Variants in PKHD1L1 observed in about 807,000 individuals in gnomAD.
PKHD1L1 encodes the protein PKHD1 like 1, also known as fibrocystin-L.
In PKHD1L1, 434 loss-of-function variants were observed where a neutral mutation model predicts 462.9. The ratio of observed to expected loss-of-function variants is 0.94; its 90% CI spans 0.87 to 1.02. The LOEUF (loss-of-function observed/expected upper bound fraction) is 1.02, where lower values mean the gene tolerates loss of function less well. PKHD1L1 is among the 50% of genes least tolerant of loss of function. The pLI is 0.00. For missense variants in PKHD1L1, 5,202 were observed against 5,096.1 expected, an observed-to-expected ratio of 1.02 and a Z score of -0.63; for synonymous variants, 1,781 against 1,750.0, an observed-to-expected ratio of 1.02 and a Z score of -0.44.
At chr8:109,377,279 G>A (rs990382173) in intron 2 of PKHD1L1, among the ~76,000 whole-genome samples, 3 of 152,032 alleles carry the variant, frequency 2.0e-5, no homozygotes, top group African/African-American at 7.2e-5. Flanking sequence ...ATATATTATA[G>A]CACTATTTGT....
Position 109,425,218 on chromosome 8 carries a change from G to A in PKHD1L1, c.2831G>A (p.Gly944Glu), listed in dbSNP as rs1342762032. The A allele has an allele frequency of 4.4e-6, 7 of 1,598,586 alleles. No homozygotes were observed. Among genetic ancestry groups the A allele is most frequent in the Non-Finnish European group, 6.0e-6 (7 of 1,174,914 alleles). ...LSGSFDIQAY[G>E]HILKGLPAAV... is the part of the protein sequence containing the mutation. The stretch of plus-strand genomic sequence containing the variant: ...GGCAGCTTTGACATTCAAGCTTATG[G>A]ACATATTCTTAAAGGTATATGAAAA... Residue 944 changes from glycine (G) to glutamate (E), a missense_variant, in exon 24 of 78, where the codon GGA (glycine) becomes GAA (glutamate). By Grantham distance (98) the Gly-to-Glu change is moderately conservative. Transcript: ENST00000378402.
chr8:109,393,102 C>T (rs933606973), intron 9 of PKHD1L1, among the ~76,000 whole-genome samples: 5 of 152,108 alleles, frequency 3.3e-5, no homozygotes, highest in African/African-American at 9.7e-5. Flanking sequence ...CTGGAGCTAG[C>T]ATCGTTTCAG....
At chr8:109,492,328 T>C (rs1318715257) in intron 62 of PKHD1L1, among the ~76,000 whole-genome samples, 1 of 151,846 alleles carries the variant, frequency 6.6e-6, no homozygotes, top group African/African-American at 2.4e-5. Flanking sequence ...TATTTTCTCA[T>C]CTAAAATTGT....
Position 109,522,280 on chromosome 8 carries a change from T to G in PKHD1L1, c.12126T>G (p.Ile4042Met). Residue 4042 changes from isoleucine (I) to methionine (M), a missense_variant, in exon 74 of 78, where the codon ATT becomes ATG. Transcript: ENST00000378402. ...GNISSILGFN[I>M]SSMSITNPLP... ...TCAGTAGTATCCTTGGATTTAACAT[T>G]TCGTCCATGTCTATTACTAATCCCC... 6.2e-7 allele frequency: 1 copy of G among 1,607,300 alleles called. No homozygotes were observed. Among genetic ancestry groups the G allele is most frequent in the Non-Finnish European group, 8.5e-7 (1 of 1,174,720 alleles).
In PKHD1L1 at chr8:109,405,899, A is replaced by T. The variant is rs192480227; in HGVS notation, c.1670-436A>T. ...AGGAATTAAATTCATCATTGCACAG[A>T]AGTAAACATGTCTTTCAATTTTTTA... On this transcript the variant is annotated intron_variant, in intron 16 of 77. Transcript: ENST00000378402. Among the ~76,000 whole-genome samples, 124 of 152,326 alleles carry T rather than the reference A, an allele frequency of 8.1e-4. No individual in the cohort carries two copies. The Middle Eastern group carries it at 0.017, about 21-fold the overall frequency.
intron 6 of PKHD1L1, among the ~76,000 whole-genome samples, chr8:109,386,719 A>G (rs1469849304): frequency 6.6e-6 from 1 of 152,192 alleles, no homozygotes; most frequent in African/African-American, 2.4e-5. Context: ...GTCTGCTTCA[A>G]CATAGTTGAG....
intron 62 of PKHD1L1, among the ~76,000 whole-genome samples, 160 bp downstream of exon 62, chr8:109,492,154 G>A (rs1293760145): frequency 6.7e-6 from 1 of 149,682 alleles, no homozygotes; most frequent in Non-Finnish European, 1.5e-5. Flanking sequence ...AATGTCTATT[G>A]GTTTAAATAG....
Position 109,454,251 on chromosome 8 carries a change from T to G in PKHD1L1, c.6744+5T>G. Reference sequence around the variant, plus strand: ...ACAGATGGAGGTGTTCTTCAGGTATTCAAAAGAACATAATACATATTCATT... The same window carrying G: ...ACAGATGGAGGTGTTCTTCAGGTATGCAAAAGAACATAATACATATTCATT... On this transcript the variant is annotated splice_donor_5th_base_variant and intron_variant, in intron 44 of 77. Transcript: ENST00000378402. The G allele has an allele frequency of 6.3e-7, 1 of 1,584,500 alleles. No individual in the cohort carries two copies. Among genetic ancestry groups the G allele is most frequent in the Non-Finnish European group, 8.6e-7 (1 of 1,160,914 alleles).
chr8:109,415,533 T>C (rs1814103660), intron 21 of PKHD1L1, among the ~76,000 whole-genome samples: 2 of 151,934 alleles, frequency 1.3e-5, no homozygotes, highest in African/African-American at 4.8e-5. Context: ...CAGGAGGAAA[T>C]CAGTTGTGTT....
At chr8:109,528,605 A>G (rs1044166465) in intron 77 of PKHD1L1, among the ~76,000 whole-genome samples, 1 of 151,838 alleles carries the variant, frequency 6.6e-6, no homozygotes, top group African/African-American at 2.4e-5. Context: ...CTCAAATTCC[A>G]CCTCATCCAG....
intron 68 of PKHD1L1, 60 bp from the exon 69 acceptor site, chr8:109,507,603 A>G: frequency 7.2e-7 from 1 of 1,384,050 alleles, no homozygotes. Context: ...GTAAATATTC[A>G]AGTGTATTCA....
chr8:109,471,148 T>C, intron 50 of PKHD1L1: 1 of 1,331,230 alleles, frequency 7.5e-7, no homozygotes, highest in Non-Finnish European at 1.0e-6. Context: ...CTTTGTATTC[T>C]TCATGAAATG....
At position 109,408,126 on chromosome 8, in the gene PKHD1L1, A is replaced by C. The variant is rs1325710451; in HGVS notation, c.1891A>C (p.Lys631Gln). Residue 631 changes from lysine to glutamine, a missense_variant, in exon 18 of 78, where the codon AAA becomes CAA. Transcript: ENST00000378402. ...GGATATTACAGAACAAACCAAAGGA[A>C]AACCCAACTTGGAGACATTCACACT... ...TLDITEQTKG[K>Q]PNLETFTLNW... 6.2e-7 allele frequency: 1 copy of C among 1,613,498 alleles called. No homozygotes were observed. Among genetic ancestry groups the C allele is most frequent in the Non-Finnish European group, 8.5e-7 (1 of 1,179,556 alleles).
intron 21 of PKHD1L1, among the ~76,000 whole-genome samples, chr8:109,418,283 C>T (rs1814287194): frequency 6.6e-6 from 1 of 151,788 alleles, no homozygotes; most frequent in African/African-American, 2.4e-5. Context: ...CGTTTGCATA[C>T]AATTTGCTAA....
At chr8:109,480,452 G>C (rs890290355) in intron 55 of PKHD1L1, 5 of 422,618 alleles carry the variant, frequency 1.2e-5, no homozygotes, top group Non-Finnish European at 2.3e-5. Flanking sequence ...AAGAGTCCTA[G>C]GAGTTCTGAA....
intron 70 of PKHD1L1, among the ~76,000 whole-genome samples, chr8:109,508,748 GT>G (rs1819827462): frequency 6.6e-6 from 1 of 152,126 alleles, no homozygotes; most frequent in Non-Finnish European, 1.5e-5. Flanking sequence ...CTATCAACAT[GT>G]TTTTTCGTCT....
chr8:109,444,060 AT>A (rs1352188528), intron 37 of PKHD1L1, among the ~76,000 whole-genome samples, 158 bp downstream of exon 37: 3 of 152,254 alleles, frequency 2.0e-5, no homozygotes, highest in East Asian at 3.9e-4. Context: ...AACTTTTAGC[AT>A]AGGCCCAGAG....
At chr8:109,483,391 A>G (rs1227739644) in intron 57 of PKHD1L1, among the ~76,000 whole-genome samples, 1 of 149,632 alleles carries the variant, frequency 6.7e-6, no homozygotes, top group Non-Finnish European at 1.5e-5. Flanking sequence ...ATGTATATAT[A>G]TTTTATGACA....
chr8:109,449,932 T>A (rs1816389220), intron 40 of PKHD1L1, among the ~76,000 whole-genome samples: 1 of 152,230 alleles, frequency 6.6e-6, no homozygotes, highest in African/African-American at 2.4e-5. Context: ...TAAAGTGAGA[T>A]GAATCACAGT....
Sources: gnomAD v4.1 joint callset for allele counts (sites outside exome capture counted in the v4.1 genomes callset) on GRCh38, gnomAD v4.1.1 for gene constraint, MANE v1.5 for transcripts, NCBI Gene and HGNC (gene_info 2026-07-23, HGNC 2026-07-21) for gene names.